Variants in SDR42E2 observed in about 807,000 individuals in gnomAD.
SDR42E2 encodes putative short-chain dehydrogenase/reductase family 42E member 2.
In SDR42E2, 20 loss-of-function variants were observed where a neutral mutation model predicts 10.5. The ratio of observed to expected loss-of-function variants is 1.90; its 90% confidence interval spans 1.34 to 2.77. The LOEUF is 2.77. SDR42E2 is among the 30% of genes most tolerant of loss of function. The pLI, the probability that SDR42E2 is intolerant of heterozygous loss-of-function variation, is 0.00. For synonymous variants in SDR42E2, 72 were observed against 39.2 expected, an observed-to-expected ratio of 1.84 and a Z score of -3.12; for missense variants, 162 against 104.2, an observed-to-expected ratio of 1.55 and a Z score of -2.42.
intron 11 of SDR42E2, among the ~76,000 whole-genome samples, chr16:22,184,660 AG>A (rs1440132919): frequency 3.3e-5 from 5 of 152,330 alleles, no homozygotes; most frequent in African/African-American, 1.2e-4. Flanking sequence ...GGGTGAGGAC[AG>A]TGAGGCACTG....
At chr16:22,186,517 A>G (rs569948450) in intron 11 of SDR42E2, among the ~76,000 whole-genome samples, 13 of 152,164 alleles carry the variant, frequency 8.5e-5, no homozygotes, top group African/African-American at 3.1e-4. Flanking sequence ...TGGTCATTTA[A>G]TATTAAAAAC....
Position 22,190,307 on chromosome 16 carries a change from A to G in SDR42E2, c.1183A>G (p.Arg395Gly), listed in dbSNP as rs2046763831. ...TARTLLRLLL[R>G]LLLFLGLLAL... ...GCGGACCCTCCTGCGCCTGCTGCTC[A>G]GGCTGCTGCTGTTCCTCGGCTTGCT... Residue 395 changes from arginine to glycine, a missense_variant, in exon 13 of 13, where the codon AGG (arginine) becomes GGG (glycine). By Grantham distance (125) the Arg-to-Gly change is moderately radical (BLOSUM62 -2). Coordinates refer to ENST00000602312, the MANE Select transcript of SDR42E2 (RefSeq NM_001394319.2). 7.5e-6 allele frequency: 3 copies of G among 402,026 alleles called. No individual in the cohort carries two copies. The highest frequency in any genetic ancestry group is 8.8e-5 in the Admixed American group (2 of 22,732). The allele number at this position is 402,026 out of a possible 1,614,324, so 24.9% of individuals were successfully genotyped here. A position where few individuals can be genotyped will look rare whatever the true frequency, so the allele number is the denominator to read the frequency against.
At chr16:22,169,245 T>C (rs1373870752) in intron 4 of SDR42E2, among the ~76,000 whole-genome samples, 200 bp from the exon 5 acceptor site, 1 of 152,142 alleles carries the variant, frequency 6.6e-6, no homozygotes, top group Non-Finnish European at 1.5e-5. Flanking sequence ...GAGGGACAGA[T>C]GTGTGGGCAG....
chr16:22,186,295 G>A (rs1035300371), intron 11 of SDR42E2, among the ~76,000 whole-genome samples: 4 of 151,292 alleles, frequency 2.6e-5, no homozygotes, highest in South Asian at 2.1e-4. Flanking sequence ...CAATCTCTGC[G>A]TCCTGGGTAC....
chr16:22,167,165 A>ATTTTTG (rs1567237172), intron 4 of SDR42E2, among the ~76,000 whole-genome samples, 166 bp downstream of exon 4: 1 of 37,722 alleles, frequency 2.7e-5, no homozygotes, highest in Non-Finnish European at 4.3e-5. Context: ...CAGTTCTGCC[A>ATTTTTG]TTTTTTTTTT....
At chr16:22,170,262 G>A (rs1024939415) in intron 5 of SDR42E2, among the ~76,000 whole-genome samples, 9 of 152,096 alleles carry the variant, frequency 5.9e-5, no homozygotes, top group African/African-American at 2.2e-4. Flanking sequence ...GCTGAGGCAG[G>A]AGAATCGCTT....
chr16:22,182,096 G>T, intron 9 of SDR42E2, 116 bp from the exon 10 acceptor site: 1 of 413,188 alleles, frequency 2.4e-6, no homozygotes, highest in Non-Finnish European at 4.3e-6. Flanking sequence ...GTGTCCTCAG[G>T]TATTGGAGCT....
At chr16:22,165,367 C>T (rs780619176) in intron 1 of SDR42E2, among the ~76,000 whole-genome samples, 180 bp from the exon 2 acceptor site, 4 of 152,248 alleles carry the variant, frequency 2.6e-5, no homozygotes, top group Middle Eastern at 3.4e-3. Flanking sequence ...GGATTACAGA[C>T]GTGAACCACC....
chr16:22,178,171 A>T lies in SDR42E2; in HGVS notation c.631A>T (p.Ile211Phe), dbSNP rs953485266. ...GACGTGTGTGCTCCGGCCTCCAGGG[A>T]TCTACGGCCCTGAAGAGCAGAGGCA... ...LRTCVLRPPGIYGPEEQRHLP... is the reference protein window; with the variant it reads ...LRTCVLRPPGFYGPEEQRHLP... The change falls in exon 8 of 13, where the codon ATC (isoleucine) becomes TTC (phenylalanine). Residue 211 changes from isoleucine to phenylalanine, a missense_variant. Physicochemically the swap from Ile to Phe is conservative, Grantham distance 21 (BLOSUM62 0). Transcript: ENST00000602312. 5.7e-6 allele frequency: 4 copies of T among 702,646 alleles called. No individual in the cohort carries two copies. The highest frequency in any genetic ancestry group is 1.0e-5 in the Non-Finnish European group (4 of 384,934). 43.5% of individuals were successfully genotyped at this position (702,646 alleles called of 1,614,324 possible). A position where few individuals can be genotyped will look rare whatever the true frequency, so the allele number is the denominator to read the frequency against.
At position 22,177,643 on chromosome 16, in the gene SDR42E2, A is replaced by G. The variant is rs577723613; in HGVS notation, c.590-487A>G. Among the ~76,000 whole-genome samples, 9 of 151,834 alleles carry G rather than the reference A, an allele frequency of 5.9e-5. No individual in the cohort carries two copies. The East Asian group carries it at 1.5e-3, about 26-fold the overall frequency. ...ATTCCATCTCAAAAAAAAAGAAATA[A>G]AGAAAGAAAAAGAAAAAGGAAAAGG... On this transcript the variant is annotated intron_variant, in intron 7 of 12. Coordinates refer to ENST00000602312, the MANE Select transcript of SDR42E2 (RefSeq NM_001394319.2).
chr16:22,167,898 C>T (rs2046557302), intron 4 of SDR42E2, among the ~76,000 whole-genome samples: 1 of 152,196 alleles, frequency 6.6e-6, no homozygotes, highest in African/African-American at 2.4e-5. Flanking sequence ...TATAGTCACA[C>T]ATGCTTATAT....
intron 4 of SDR42E2, among the ~76,000 whole-genome samples, 174 bp downstream of exon 4, chr16:22,167,173 T>A (rs867551136): frequency 1.1e-5 from 1 of 90,238 alleles, no homozygotes; most frequent in Non-Finnish European, 2.3e-5. Context: ...CCATTTTTTT[T>A]TTTTTTTTTT....
At chr16:22,175,555 T>C (rs2046637579) in intron 7 of SDR42E2, among the ~76,000 whole-genome samples, 1 of 151,672 alleles carries the variant, frequency 6.6e-6, no homozygotes, top group Non-Finnish European at 1.5e-5. Context: ...TTTTTTTTTT[T>C]TTTAGTCTCC....
chr16:22,189,430 G>C (rs995122994), intron 12 of SDR42E2, among the ~76,000 whole-genome samples: 1 of 152,170 alleles, frequency 6.6e-6, no homozygotes, highest in Admixed American at 6.5e-5. Flanking sequence ...GCACAGAACA[G>C]ATAGTGCTAG....
rs2046695718 is a variant in SDR42E2, at chr16:22,181,622, C to G, written c.776C>G (p.Ala259Gly). ...CTGGTGCAGGCACACGTGCTGGCGG[C>G]CGAGGCCCTCACCACGGCCAAGGGC... ...HNLVQAHVLA[A>G]EALTTAKGYV... The change falls in exon 9 of 13, where the codon GCC becomes GGC. Residue 259 changes from alanine (A) to glycine (G), a missense_variant. Physicochemically the swap from Ala to Gly is moderately conservative, Grantham distance 60. Coordinates refer to ENST00000602312, the MANE Select transcript of SDR42E2 (RefSeq NM_001394319.2). 1.4e-6 allele frequency: 1 copy of G among 702,904 alleles called. No individual in the cohort carries two copies. Among genetic ancestry groups the G allele is most frequent in the African/African-American group, 1.7e-5 (1 of 57,260 alleles). 43.5% of individuals were successfully genotyped at this position (702,904 alleles called of 1,614,324 possible).
At chr16:22,184,732 T>C (rs754173181) in intron 11 of SDR42E2, among the ~76,000 whole-genome samples, 20 of 152,168 alleles carry the variant, frequency 1.3e-4, no homozygotes, top group Non-Finnish European at 2.8e-4. Context: ...ACTTGTCTGG[T>C]GCCGGAAGCA....
chr16:22,172,686 G>T (rs1216011469), intron 7 of SDR42E2, among the ~76,000 whole-genome samples: 1 of 152,220 alleles, frequency 6.6e-6, no homozygotes, highest in Non-Finnish European at 1.5e-5. Flanking sequence ...TATGAGTGTG[G>T]AATGAGATAT....
intron 12 of SDR42E2, 114 bp from the exon 13 acceptor site, chr16:22,190,025 C>G (rs1399097492): frequency 2.5e-6 from 1 of 399,874 alleles, no homozygotes; most frequent in Non-Finnish European, 4.4e-6. Flanking sequence ...TTTTAAATCA[C>G]TATGTAATGG....
At chr16:22,163,990 C>T (rs1274430482) in intron 1 of SDR42E2, among the ~76,000 whole-genome samples, 1 of 149,130 alleles carries the variant, frequency 6.7e-6, no homozygotes, top group African/African-American at 2.5e-5. Context: ...GTCCCTAGCA[C>T]ATGGTTGCTG....
Sources: gnomAD v4.1 joint callset for allele counts (sites outside exome capture counted in the v4.1 genomes callset) on GRCh38, gnomAD v4.1.1 for gene constraint, MANE v1.5 for transcripts, NCBI Gene and HGNC (gene_info 2026-07-23, HGNC 2026-07-21) for gene names.